The following NRN1L variants were observed in gnomAD, a reference collection of about 807,000 sequenced individuals.
NRN1L encodes neuritin-like protein.
In NRN1L, 12 loss-of-function variants were observed where a neutral mutation model predicts 8.8. The ratio of observed to expected loss-of-function variants is 1.36; its 90% CI spans 0.87 to 2.20. The LOEUF (loss-of-function observed/expected upper bound fraction) is 2.20, where lower values mean the gene tolerates loss of function less well. NRN1L is among the 30% of genes most tolerant of loss of function. NRN1L has a pLI of 0.00. For synonymous variants in NRN1L, 114 were observed against 99.2 expected (o/e 1.15, Z -0.88); for missense variants, 266 against 232.4 (o/e 1.14, Z -0.94).
chr16:67,886,081 G>C lies in NRN1L; in HGVS notation c.320G>C (p.Arg107Pro). Residue 107 changes from arginine (R) to proline (P), a missense_variant, in exon 3 of 3, where the codon CGT (arginine) becomes CCT (proline). Arg to Pro is a moderately radical substitution (Grantham distance 103). Coordinates refer to ENST00000339176, the MANE Select transcript of NRN1L (RefSeq NM_198443.2). The stretch of plus-strand genomic sequence containing the variant: ...CAGCAAGAAGCTCGCCAGGCCCCCC[G>C]TCCGAATAACTTGCACACTCTGTGC... ...SLQQEARQAP[R>P]PNNLHTLCGA... The C allele has an allele frequency of 6.2e-7, 1 of 1,613,314 alleles. No individual in the cohort carries two copies. Among genetic ancestry groups the C allele is most frequent in the Non-Finnish European group, 8.5e-7 (1 of 1,179,722 alleles).
chr16:67,885,879 C>T (rs779634477), intron 2 of NRN1L, 25 bp downstream of exon 2: 1 of 1,571,320 alleles, frequency 6.4e-7, no homozygotes, highest in Admixed American at 1.8e-5. Flanking sequence ...GAGGCAGTGG[C>T]CCAACCTGTG....
In NRN1L at chr16:67,885,843, G is replaced by C; in HGVS notation, c.201G>C (p.Glu67Asp). The C allele has an allele frequency of 1.3e-6, 2 of 1,576,880 alleles. No homozygotes were observed. The highest frequency in any genetic ancestry group is 1.7e-6 in the Non-Finnish European group (2 of 1,161,888). ...GCATGGGCCGCGGAGGCGAGCTGGA[G>C]ACCATCTGCAGGTACCGGCGGGTGT... Reference protein sequence around the residue: ...GDSMGRGGELETICRSWNDFH... With the variant: ...GDSMGRGGELDTICRSWNDFH... Residue 67 changes from glutamate (E) to aspartate (D), a missense_variant, in exon 2 of 3, where the codon GAG (glutamate) becomes GAC (aspartate). Transcript: ENST00000339176.
downstream of NRN1L, among the ~76,000 whole-genome samples, chr16:67,887,588 T>C (rs9930949): frequency 0.039 from 5,839 of 150,222 alleles, 303 homozygotes; most frequent in African/African-American, 0.12. Flanking sequence ...TACTTTCTTT[T>C]TTTTTTTTTT....
At chr16:67,886,892 T>C (rs1475672096), downstream of NRN1L, among the ~76,000 whole-genome samples, 1 of 152,226 alleles carries the variant, frequency 6.6e-6, no homozygotes, top group Non-Finnish European at 1.5e-5. Flanking sequence ...GGGGAGCCTT[T>C]GTTGAAGTCC....
downstream of NRN1L, among the ~76,000 whole-genome samples, chr16:67,888,158 T>C (rs1321115723): frequency 6.6e-6 from 1 of 152,176 alleles, no homozygotes; most frequent in Non-Finnish European, 1.5e-5. Flanking sequence ...AACCTAGGGC[T>C]GGATATAAAG....
In NRN1L at chr16:67,886,001, C is replaced by G. The variant is rs764473223; in HGVS notation, c.240C>G (p.Ala80=). The G allele has an allele frequency of 2.8e-5, 45 of 1,614,092 alleles. No individual in the cohort carries two copies. In the East Asian group the frequency reaches 9.1e-4, roughly 33 times the overall value. ...CTTGGAATGACTTCCATGCCTGTGC[C>G]TCTCAGGTCCTGTCAGGCTGTCCGG... ...CRSWNDFHAC[A]SQVLSGCPEE... is the part of the protein sequence containing the mutation. The change falls in exon 3 of 3, where the codon GCC becomes GCG. Residue 80 remains alanine (A), a synonymous_variant. Transcript: ENST00000339176.
At chr16:67,886,656 C>T (rs761973672), downstream of NRN1L, among the ~76,000 whole-genome samples, 2 of 152,200 alleles carry the variant, frequency 1.3e-5, no homozygotes, top group Non-Finnish European at 2.9e-5. Flanking sequence ...CAGCCCTGCA[C>T]TCCTAGCACT....
rs777828496 is a variant in NRN1L, at chr16:67,885,884, C to A, written c.212+30C>A. ...CGGCGGGTGTGAGGCAGTGGCCCAA[C>A]CTGTGCCACCATTGGGGACTGAACC... On this transcript the variant is annotated intron_variant, in intron 2 of 2. Transcript: ENST00000339176. The A allele has an allele frequency of 1.3e-5, 21 of 1,572,114 alleles. No individual in the cohort carries two copies. The Admixed American group carries it at 3.7e-4, about 28-fold the overall frequency.
rs1266211611 is a variant in NRN1L at position 67,885,775 on chromosome 16, AT to A, written c.134del (p.Ile45AsnfsTer117). 3.2e-6 allele frequency: 5 copies of A among 1,577,900 alleles called. No individual in the cohort carries two copies. The highest frequency in any genetic ancestry group is 4.3e-6 in the Non-Finnish European group (5 of 1,159,412). On this transcript the variant is annotated frameshift_variant, in exon 2 of 3. Coordinates refer to ENST00000339176, the MANE Select transcript of NRN1L (RefSeq NM_198443.2). LOFTEE classifies it high-confidence loss of function. ...AAAGPNRCDT[I>X]YQGFAECLIR... ...AGCGGGCCCAAACCGATGTGACACCATATACCAGGGCTTCGCCGAGTGTCTC... is the reference window on the plus strand; with the variant it reads ...AGCGGGCCCAAACCGATGTGACACCAATACCAGGGCTTCGCCGAGTGTCTC...
In NRN1L at chr16:67,886,114, C is replaced by A; in HGVS notation, c.353C>A (p.Pro118Gln). 6.2e-7 allele frequency: 1 copy of A among 1,612,902 alleles called. No homozygotes were observed. The highest frequency in any genetic ancestry group is 1.1e-5 in the South Asian group (1 of 90,922). ...AACTTGCACACTCTGTGCGGTGCCC[C>A]GGTGCATGTTCGGGAGCGCGGCACA... is the stretch of plus-strand genomic sequence containing the variant. ...PNNLHTLCGA[P>Q]VHVRERGTGS... The change falls in exon 3 of 3, where the codon CCG becomes CAG. Residue 118 changes from proline (P) to glutamine (Q), a missense_variant. By Grantham distance (76) the Pro-to-Gln change is moderately conservative. Coordinates refer to ENST00000339176, the MANE Select transcript of NRN1L (RefSeq NM_198443.2).
Position 67,884,975 on chromosome 16 carries a change from G to T in NRN1L, c.72G>T (p.Leu24=). 1 of 1,607,774 alleles carries T rather than the reference G, an allele frequency of 6.2e-7. No individual in the cohort carries two copies. Residue 24 remains leucine (L), a synonymous_variant, in exon 1 of 3, where the codon CTG becomes CTT. Coordinates refer to ENST00000339176, the MANE Select transcript of NRN1L (RefSeq NM_198443.2). The surrounding 1 kb of genome is among the most constrained non-coding windows in gnomAD (Gnocchi z 4.1). ...PPHALRPLLL[L]PLVLLPPLAA... is the part of the protein sequence containing the mutation. ...ATGCCCTGAGGCCGTTGCTGTTGCTGCCCCTCGGTGAGTGCGGGCATCCGG... is the reference window on the plus strand; with the variant it reads ...ATGCCCTGAGGCCGTTGCTGTTGCTTCCCCTCGGTGAGTGCGGGCATCCGG...
Position 67,885,703 on chromosome 16 carries a change from A to ACCCCCCCC in NRN1L, c.80-14_80-13insCCCCCCCC. On this transcript the variant is annotated intron_variant, in intron 1 of 2. Transcript: ENST00000339176. ...CTATCTACCATTCCTTCCCCACCCCACCCCCGCCCCACTTCTAGTCCTTTT... is the reference window on the plus strand; with the variant it reads ...CTATCTACCATTCCTTCCCCACCCCACCCCCCCCCCCCCGCCCCACTTCTAGTCCTTTT... 2 of 635,072 alleles carry ACCCCCCCC rather than the reference A, an allele frequency of 3.1e-6. No individual in the cohort carries two copies. Among genetic ancestry groups the ACCCCCCCC allele is most frequent in the Non-Finnish European group, 4.8e-6 (2 of 414,484 alleles). 39.3% of individuals were successfully genotyped at this position (635,072 alleles called of 1,614,324 possible).
Position 67,886,271 on chromosome 16 carries a change from G to A in NRN1L, c.*12G>A. ...GGCCTCTGGCCTAGCTTGTTGGGTT[G>A]GGTAGCAGCGCCCGTACCTCCAGCC... On this transcript the variant is annotated 3_prime_UTR_variant, in exon 3 of 3. Transcript: ENST00000339176. The A allele has an allele frequency of 6.4e-7, 1 of 1,570,150 alleles. No homozygotes were observed. The highest frequency in any genetic ancestry group is 8.6e-7 in the Non-Finnish European group (1 of 1,163,758).
Position 67,885,764 on chromosome 16 carries a change from G to C in NRN1L, c.122G>C (p.Arg41Pro). ...GCAGCAGCTGCAGCGGGCCCAAACC[G>C]ATGTGACACCATATACCAGGGCTTC... ...PLAAAAAGPN[R>P]CDTIYQGFAE... is the part of the protein sequence containing the mutation. The change falls in exon 2 of 3, where the codon CGA becomes CCA. Residue 41 changes from arginine to proline, a missense_variant. By Grantham distance (103) the Arg-to-Pro change is moderately radical. Transcript: ENST00000339176. 7.3e-7 allele frequency: 1 copy of C among 1,365,720 alleles called. No individual in the cohort carries two copies. The highest frequency in any genetic ancestry group is 9.8e-7 in the Non-Finnish European group (1 of 1,024,980). 84.6% of individuals were successfully genotyped at this position (1,365,720 alleles called of 1,614,324 possible). A position where few individuals can be genotyped will look rare whatever the true frequency, so the allele number is the denominator to read the frequency against.
chr16:67,884,925 C>CGCT lies in NRN1L; in HGVS notation c.31_33dup (p.Cys11dup), dbSNP rs771540260. The CGCT allele has an allele frequency of 6.2e-6, 10 of 1,606,314 alleles. No homozygotes were observed. Among genetic ancestry groups the CGCT allele is most frequent in the African/African-American group, 4.0e-5 (3 of 74,914 alleles). ...AGGGATGATGCGCTGCTGCCGCCGC[C>CGCT]GCTGCTGCTGCCGGCAACCACCCCA... is the stretch of plus-strand genomic sequence containing the variant. On this transcript the variant is annotated inframe_insertion, in exon 1 of 3. Coordinates refer to ENST00000339176, the MANE Select transcript of NRN1L (RefSeq NM_198443.2). The surrounding 1 kb of genome is among the most constrained non-coding windows in gnomAD (Gnocchi z 4.1).
downstream of NRN1L, among the ~76,000 whole-genome samples, chr16:67,888,258 ATGAC>A (rs1372244173): frequency 6.6e-6 from 1 of 152,120 alleles, no homozygotes; most frequent in African/African-American, 2.4e-5. Flanking sequence ...TGGACTGAGA[ATGAC>A]CCCACTGTGG....
Position 67,886,168 on chromosome 16 carries a change from G to C in NRN1L, c.407G>C (p.Arg136Pro), listed in dbSNP as rs532123557. ...TCCGAAACCAACCAGGAGACGCTGC[G>C]GGCTACAGCGCCTGCACTCCCCATG... is the stretch of plus-strand genomic sequence containing the variant. The part of the protein sequence containing the change: ...TGSETNQETL[R>P]ATAPALPMAP... The change falls in exon 3 of 3, where the codon CGG (arginine) becomes CCG (proline). Residue 136 changes from arginine to proline, a missense_variant. Coordinates refer to ENST00000339176, the MANE Select transcript of NRN1L (RefSeq NM_198443.2). 6.2e-7 allele frequency: 1 copy of C among 1,606,670 alleles called. No homozygotes were observed. Among genetic ancestry groups the C allele is most frequent in the South Asian group, 1.1e-5 (1 of 90,796 alleles).
In NRN1L at chr16:67,885,713, C is replaced by CCCATAA; in HGVS notation, c.80-9_80-8insCCATAA. 1.3e-6 allele frequency: 2 copies of CCCATAA among 1,509,814 alleles called. No homozygotes were observed. Among genetic ancestry groups the CCCATAA allele is most frequent in the Non-Finnish European group, 1.8e-6 (2 of 1,104,182 alleles). The allele number at this position is 1,509,814 out of a possible 1,614,324, so 93.5% of individuals were successfully genotyped here. ...TTCCTTCCCCACCCCACCCCCGCCC[C>CCCATAA]ACTTCTAGTCCTTTTACCTCCCCTG... On this transcript the variant is annotated splice_polypyrimidine_tract_variant and intron_variant, in intron 1 of 2. Coordinates refer to ENST00000339176, the MANE Select transcript of NRN1L (RefSeq NM_198443.2).
Position 67,885,909 on chromosome 16 carries a change from C to A in NRN1L, c.212+55C>A, listed in dbSNP as rs969330688. 1.1e-5 allele frequency: 17 copies of A among 1,582,668 alleles called. 1 individual carries two copies. In the African/African-American group the frequency reaches 2.3e-4, roughly 21 times the overall value. On this transcript the variant is annotated intron_variant, in intron 2 of 2. Transcript: ENST00000339176. ...CCTGTGCCACCATTGGGGACTGAAC[C>A]TTTTATTTCCCAAGCTAAAGTCTCC...
Sources: allele counts gnomAD v4.1 joint callset (sites outside exome capture counted in the v4.1 genomes callset), GRCh38; gene constraint gnomAD v4.1.1; non-coding constraint Gnocchi (gnomAD v3.1); transcripts MANE v1.5; gene names NCBI Gene and HGNC (gene_info 2026-07-23, HGNC 2026-07-21).